Variants in CCNO observed in about 807,000 individuals in gnomAD.
CCNO encodes the protein cyclin-O.
In CCNO, 24 loss-of-function variants were observed where a neutral mutation model predicts 23.9. The ratio of observed to expected loss-of-function variants is 1.00; its 90% confidence interval spans 0.73 to 1.41. The LOEUF (loss-of-function observed/expected upper bound fraction) is 1.41, where lower values mean the gene tolerates loss of function less well. CCNO is among the 40% of genes most tolerant of loss of function. The pLI, the probability that CCNO is intolerant of heterozygous loss-of-function variation, is 0.00. For synonymous variants in CCNO, 241 were observed against 225.7 expected (o/e 1.07, Z -0.61); for missense variants, 542 against 476.2 (o/e 1.14, Z -1.29).
At position 55,231,259 on chromosome 5, in the gene CCNO, G is replaced by T; in HGVS notation, c.*116C>A. On this transcript the variant is annotated 3_prime_UTR_variant, in exon 3 of 3. Coordinates refer to ENST00000282572, the MANE Select transcript of CCNO (RefSeq NM_021147.5). ...TAGTATCGTACACTATTTACAACCTGCAGCTGACCAAGCAGGTCCTGAAGC... is the reference window on the plus strand; with the variant it reads ...TAGTATCGTACACTATTTACAACCTTCAGCTGACCAAGCAGGTCCTGAAGC... 8.5e-7 allele frequency: 1 copy of T among 1,171,700 alleles called. No homozygotes were observed. The highest frequency in any genetic ancestry group is 1.2e-6 in the Non-Finnish European group (1 of 815,620). The allele number at this position is 1,171,700 out of a possible 1,614,324, so 72.6% of individuals were successfully genotyped here. A position where few individuals can be genotyped will look rare whatever the true frequency, so the allele number is the denominator to read the frequency against.
Position 55,233,497 on chromosome 5 carries a change from G to A in CCNO, c.27C>T (p.Pro9=), listed in dbSNP as rs1429647940. The change falls in exon 1 of 3, where the codon CCC becomes CCT. Residue 9 remains proline (P), a synonymous_variant. Coordinates refer to ENST00000282572, the MANE Select transcript of CCNO (RefSeq NM_021147.5). Reference sequence around the variant, plus strand: ...TCCCCGCTCGGGCGGCGGGGCTCGAGGGGCTGGTGGGACAGGGGGTCACCA... The same window carrying A: ...TCCCCGCTCGGGCGGCGGGGCTCGAAGGGCTGGTGGGACAGGGGGTCACCA... MVTPCPTS[P]SSPAARAGRR... 1.3e-6 allele frequency: 2 copies of A among 1,594,836 alleles called. No individual in the cohort carries two copies. The highest frequency in any genetic ancestry group is 1.7e-6 in the Non-Finnish European group (2 of 1,171,132).
chr5:55,231,528 G>C lies in CCNO; in HGVS notation c.900C>G (p.Pro300=). The change falls in exon 3 of 3, where the codon CCC becomes CCG. Residue 300 remains proline (P), a synonymous_variant. Transcript: ENST00000282572. ...LADRMLRVSR[P]VDLRLGDHPE... is the part of the protein sequence containing the mutation. Reference sequence around the variant, plus strand: ...GGTGGTCTCCCAGTCGCAAGTCCACGGGCCGCGAGACCCGCAGCATGCGGT... The same window carrying C: ...GGTGGTCTCCCAGTCGCAAGTCCACCGGCCGCGAGACCCGCAGCATGCGGT... 3 of 1,613,614 alleles carry C rather than the reference G, an allele frequency of 1.9e-6. No individual in the cohort carries two copies. The highest frequency in any genetic ancestry group is 1.1e-5 in the South Asian group (1 of 91,080).
At chr5:55,233,029 G>A (rs1432639315) in intron 1 of CCNO, 114 bp downstream of exon 1, 24 of 1,120,460 alleles carry the variant, frequency 2.1e-5, no homozygotes, top group Non-Finnish European at 2.6e-5. Flanking sequence ...GACTCGGGGC[G>A]GGACCTGGGC....
chr5:55,231,698 G>T lies in CCNO; in HGVS notation c.730C>A (p.Arg244Ser), dbSNP rs747624998. ...SFFLEHFTHA[R>S]VEAGQAEASE... ...GCCTCAGCCTGCCCCGCCTCCACGCGAGCGTGCGTGAAATGCTCCAGGAAG... is the reference window on the plus strand; with the variant it reads ...GCCTCAGCCTGCCCCGCCTCCACGCTAGCGTGCGTGAAATGCTCCAGGAAG... The change falls in exon 3 of 3, where the codon CGC becomes AGC. Residue 244 changes from arginine (R) to serine (S), a missense_variant. Arg to Ser is a moderately radical substitution (Grantham distance 110). Coordinates refer to ENST00000282572, the MANE Select transcript of CCNO (RefSeq NM_021147.5). 1 of 1,577,188 alleles carries T rather than the reference G, an allele frequency of 6.3e-7. No homozygotes were observed. The highest frequency in any genetic ancestry group is 1.1e-5 in the South Asian group (1 of 87,128).
chr5:55,231,848 G>A lies in CCNO; in HGVS notation c.580C>T (p.Pro194Ser), dbSNP rs780164279. 2 of 1,540,902 alleles carry A rather than the reference G, an allele frequency of 1.3e-6. No homozygotes were observed. The highest frequency in any genetic ancestry group is 1.4e-5 in the African/African-American group (1 of 73,110). The change falls in exon 3 of 3, where the codon CCG becomes TCG. Residue 194 changes from proline to serine, a missense_variant. By Grantham distance (74) the Pro-to-Ser change is moderately conservative. Transcript: ENST00000282572. Reference sequence around the variant, plus strand: ...GCCAGAAGCTGCTTCACGCGCGGCGGGTGCACCTCCACCTGCAACACAGGG... The same window carrying A: ...GCCAGAAGCTGCTTCACGCGCGGCGAGTGCACCTCCACCTGCAACACAGGG... ...LIACKQVEVH[P>S]PRVKQLLALC...
In CCNO at chr5:55,232,373, G is replaced by C; in HGVS notation, c.555C>G (p.Ile185Met). The C allele has an allele frequency of 6.2e-7, 1 of 1,613,702 alleles. No homozygotes were observed. Among genetic ancestry groups the C allele is most frequent in the Non-Finnish European group, 8.5e-7 (1 of 1,179,978 alleles). The stretch of plus-strand genomic sequence containing the variant: ...ATACCCCAGGTACCTGTTTGCAAGC[G>C]ATGAGCAAGGAGGTGACCCCAAGCA... ...FQLLGVTSLL[I>M]ACKQVEVHPP... Residue 185 changes from isoleucine to methionine, a missense_variant, in exon 2 of 3, where the codon ATC becomes ATG. Coordinates refer to ENST00000282572, the MANE Select transcript of CCNO (RefSeq NM_021147.5).
rs755381879 is a variant in CCNO, at chr5:55,231,459, C to T, written c.969G>A (p.Leu323=). ...LEDCMGKLQL[L]VAINSTSLTH... ...TCAAGGAAGTACTGTTTATGGCCAC[C>T]AGCAGCTGCAACTTGCCCATACAGT... Residue 323 remains leucine (L), a synonymous_variant, in exon 3 of 3, where the codon CTG becomes CTA. Transcript: ENST00000282572. The T allele has an allele frequency of 6.2e-7, 1 of 1,614,166 alleles. No homozygotes were observed. Among genetic ancestry groups the T allele is most frequent in the Non-Finnish European group, 8.5e-7 (1 of 1,180,034 alleles).
At position 55,233,424 on chromosome 5, in the gene CCNO, G is replaced by T; in HGVS notation, c.100C>A (p.Arg34Ser). 1 of 1,607,536 alleles carries T rather than the reference G, an allele frequency of 6.2e-7. No homozygotes were observed. ...GGCTGCTTCCTCCGGAGGCGCGGAC[G>T]CCTGCTCTTCTTCACCGGGGCGCGA... ...NLRAPVKKSR[R>S]PRLRRKQPLH... is the part of the protein sequence containing the mutation. Residue 34 changes from arginine to serine, a missense_variant, in exon 1 of 3, where the codon CGT (arginine) becomes AGT (serine). Arg to Ser is a moderately radical substitution (Grantham distance 110). Coordinates refer to ENST00000282572, the MANE Select transcript of CCNO (RefSeq NM_021147.5).
chr5:55,232,770 G>A (rs552447475), intron 1 of CCNO: 4 of 597,380 alleles, frequency 6.7e-6, no homozygotes, highest in South Asian at 4.1e-5. Context: ...ACGTTACCTC[G>A]CGTAATGGGC....
In CCNO at chr5:55,231,809, C is replaced by G. The variant is rs753421489; in HGVS notation, c.619G>C (p.Ala207Pro). 18 of 1,555,534 alleles carry G rather than the reference C, an allele frequency of 1.2e-5. No individual in the cohort carries two copies. The highest frequency in any genetic ancestry group is 1.6e-5 in the Non-Finnish European group (18 of 1,150,400). ...TTGCAGAGCTGCTGCCGGGAGAAGG[C>G]GCCGCAGCAGAGGGCCAGAAGCTGC... ...VKQLLALCCG[A>P]FSRQQLCNLE... The change falls in exon 3 of 3, where the codon GCC becomes CCC. Residue 207 changes from alanine (A) to proline (P), a missense_variant. Transcript: ENST00000282572.
In CCNO at chr5:55,231,704, G is replaced by A. The variant is rs1745584991; in HGVS notation, c.724C>T (p.His242Tyr). The A allele has an allele frequency of 3.8e-6, 6 of 1,578,230 alleles. No individual in the cohort carries two copies. Among genetic ancestry groups the A allele is most frequent in the Admixed American group, 1.9e-5 (1 of 53,784 alleles). Reference sequence around the variant, plus strand: ...GCCTGCCCCGCCTCCACGCGAGCGTGCGTGAAATGCTCCAGGAAGAAGCTA... The same window carrying A: ...GCCTGCCCCGCCTCCACGCGAGCGTACGTGAAATGCTCCAGGAAGAAGCTA... ...TISFFLEHFT[H>Y]ARVEAGQAEA... is the part of the protein sequence containing the mutation. Residue 242 changes from histidine (H) to tyrosine (Y), a missense_variant, in exon 3 of 3, where the codon CAC (histidine) becomes TAC (tyrosine). His to Tyr is a moderately conservative substitution (Grantham distance 83). Transcript: ENST00000282572.
chr5:55,231,389 G>C lies in CCNO; in HGVS notation c.1039C>G (p.Pro347Ala). 6.2e-7 allele frequency: 1 copy of C among 1,613,844 alleles called. No homozygotes were observed. Among genetic ancestry groups the C allele is most frequent in the Non-Finnish European group, 8.5e-7 (1 of 1,179,796 alleles). The part of the protein sequence containing the change: ...VQICEKCSLP[P>A]SSK ...AAGGATCTGTTTTATTTCGAGCTCG[G>C]GGGCAGGCTGCACTTCTCGCAGATC... is the stretch of plus-strand genomic sequence containing the variant. Residue 347 changes from proline to alanine, a missense_variant, in exon 3 of 3, where the codon CCG becomes GCG. Transcript: ENST00000282572.
rs1178986270 is a variant in CCNO at position 55,233,252 on chromosome 5, G to T, written c.272C>A (p.Ala91Glu). 6.3e-7 allele frequency: 1 copy of T among 1,586,574 alleles called. No homozygotes were observed. Among genetic ancestry groups the T allele is most frequent in the Non-Finnish European group, 8.6e-7 (1 of 1,168,894 alleles). ...GCGGAAGGTCTGTAGATCTAGCTGC[G>T]CCACGGGCTGGGCCGGGCCGGGCAG... Reference protein sequence around the residue: ...SPLPGPAQPVAQLDLQTFRDY... With the variant: ...SPLPGPAQPVEQLDLQTFRDY... Residue 91 changes from alanine to glutamate, a missense_variant, in exon 1 of 3, where the codon GCG (alanine) becomes GAG (glutamate). Ala to Glu is a moderately radical substitution (Grantham distance 107, BLOSUM62 -1). Transcript: ENST00000282572.
rs1388613058 is a variant in CCNO, at chr5:55,231,255, A to C, written c.*120T>G. The C allele has an allele frequency of 1.8e-6, 2 of 1,118,302 alleles. No individual in the cohort carries two copies. Among genetic ancestry groups the C allele is most frequent in the Non-Finnish European group, 1.3e-6 (1 of 768,376 alleles). 69.3% of individuals were successfully genotyped at this position (1,118,302 alleles called of 1,614,324 possible). A position where few individuals can be genotyped will look rare whatever the true frequency, so the allele number is the denominator to read the frequency against. ...ATGCTAGTATCGTACACTATTTACA[A>C]CCTGCAGCTGACCAAGCAGGTCCTG... On this transcript the variant is annotated 3_prime_UTR_variant, in exon 3 of 3. Coordinates refer to ENST00000282572, the MANE Select transcript of CCNO (RefSeq NM_021147.5).
At position 55,231,370 on chromosome 5, in the gene CCNO, C is replaced by G. The variant is rs201862841; in HGVS notation, c.*5G>C. 1.2e-6 allele frequency: 2 copies of G among 1,612,826 alleles called. No homozygotes were observed. The highest frequency in any genetic ancestry group is 2.7e-5 in the African/African-American group (2 of 75,018). On this transcript the variant is annotated 3_prime_UTR_variant, in exon 3 of 3. Coordinates refer to ENST00000282572, the MANE Select transcript of CCNO (RefSeq NM_021147.5). ...CAGGGACTAAAAGGAAACGAAGGAT[C>G]TGTTTTATTTCGAGCTCGGGGGCAG...
In CCNO at chr5:55,233,602, G is replaced by A. The variant is rs1745672186; in HGVS notation, c.-79C>T. ...GCAAACGCGCACTCGAAAGTGCGAA[G>A]GAGGCCGGGCTCAGAGGCTGGCGCG... On this transcript the variant is annotated 5_prime_UTR_variant, in exon 1 of 3. Transcript: ENST00000282572. The A allele has an allele frequency of 4.4e-6, 6 of 1,371,144 alleles. No homozygotes were observed. Among genetic ancestry groups the A allele is most frequent in the Non-Finnish European group, 5.8e-6 (6 of 1,038,472 alleles). 84.9% of individuals were successfully genotyped at this position (1,371,144 alleles called of 1,614,324 possible).
rs750464287 is a variant in CCNO, at chr5:55,231,401, A to G, written c.1027T>C (p.Cys343Arg). Residue 343 changes from cysteine to arginine, a missense_variant, in exon 3 of 3, where the codon TGC (cysteine) becomes CGC (arginine). Transcript: ENST00000282572. The stretch of plus-strand genomic sequence containing the variant: ...TATTTCGAGCTCGGGGGCAGGCTGC[A>G]CTTCTCGCAGATCTGAACGGGCAGC... The part of the protein sequence containing the change: ...HMLPVQICEK[C>R]SLPPSSK The G allele has an allele frequency of 3.1e-6, 5 of 1,613,954 alleles. No individual in the cohort carries two copies. The South Asian group carries it at 5.5e-5, about 18-fold the overall frequency.
Position 55,231,634 on chromosome 5 carries a change from AC to A in CCNO, c.793del (p.Val265TrpfsTer4), listed in dbSNP as rs769899297. On this transcript the variant is annotated frameshift_variant, in exon 3 of 3. Coordinates refer to ENST00000282572, the MANE Select transcript of CCNO (RefSeq NM_021147.5). LOFTEE classifies it high-confidence loss of function. ...ALEAQALARG[V>X]AELSLADYAF... ...ATAGTCGGCCAGACTCAGCTCTGCC[AC>A]CCCCCGCGCCAGGGCTTGCGCTTCC... 6.3e-7 allele frequency: 1 copy of A among 1,599,040 alleles called. No homozygotes were observed. The highest frequency in any genetic ancestry group is 2.3e-5 in the East Asian group (1 of 44,156).
In CCNO at chr5:55,231,162, C is replaced by A. The variant is rs1745558894; in HGVS notation, c.*213G>T. The A allele has an allele frequency of 1.7e-6, 1 of 596,190 alleles. No homozygotes were observed. The highest frequency in any genetic ancestry group is 1.9e-5 in the African/African-American group (1 of 53,868). The allele number at this position is 596,190 out of a possible 1,614,324, so 36.9% of individuals were successfully genotyped here. On this transcript the variant is annotated 3_prime_UTR_variant, in exon 3 of 3. Transcript: ENST00000282572. ...CAGACACTTGCAGGATTTAGACAAA[C>A]CACAACTGTTTATTGGTGAAAGACT...
Sources: gnomAD v4.1 joint callset for allele counts on GRCh38, gnomAD v4.1.1 for gene constraint, MANE v1.5 for transcripts, NCBI Gene and HGNC (gene_info 2026-07-23, HGNC 2026-07-21) for gene names.